RBL2: variants seen among roughly 807,000 people sequenced by gnomAD.
RBL2 encodes RB transcriptional corepressor like 2.
In RBL2, 56 loss-of-function variants were observed where a neutral mutation model predicts 126.0. The ratio of observed to expected loss-of-function variants is 0.44; its 90% CI spans 0.36 to 0.56. The LOEUF is 0.56. RBL2 is among the 20% of genes least tolerant of loss of function. The pLI is 0.00. For missense variants in RBL2, 1,229 were observed against 1,398.2 expected (o/e 0.88, Z 1.93); for synonymous variants, 454 against 478.5 (o/e 0.95, Z 0.67).
intron 8 of RBL2, among the ~76,000 whole-genome samples, chr16:53,457,258 C>CTTTTTTTTTTTTTCT (rs2058177642): frequency 1.1e-5 from 1 of 89,954 alleles, no homozygotes; most frequent in Non-Finnish European, 2.0e-5. Context: ...GTACAGATAG[C>CTTTTTTTTTTTTTCT]TTTTTTTTTT....
At chr16:53,480,041 CT>C in intron 19 of RBL2, 50 bp downstream of exon 19, 1 of 1,247,268 alleles carries the variant, frequency 8.0e-7, no homozygotes, top group Non-Finnish European at 1.1e-6. Flanking sequence ...GCTTTTCTTA[CT>C]TTTTAGGCCT....
chr16:53,478,953 T>C (rs1960836835), intron 17 of RBL2: 3 of 574,242 alleles, frequency 5.2e-6, no homozygotes, highest in South Asian at 4.4e-5. Flanking sequence ...TATAGACTCC[T>C]ATTGTTTTTA....
rs752404326 is a variant in RBL2, at chr16:53,442,729, G to T, written c.443G>T (p.Arg148Leu). 2.5e-6 allele frequency: 4 copies of T among 1,613,642 alleles called. No homozygotes were observed. Among genetic ancestry groups the T allele is most frequent in the Non-Finnish European group, 3.4e-6 (4 of 1,179,636 alleles). ...MANLPPHFRERTERLERNFTV... is the reference protein window; with the variant it reads ...MANLPPHFRELTERLERNFTV... ...AATCTACCCCCACATTTCAGAGAAC[G>T]TACTGAGAGATTAGAAAGAAACTTC... is the stretch of plus-strand genomic sequence containing the variant. The change falls in exon 3 of 22, where the codon CGT (arginine) becomes CTT (leucine). Residue 148 changes from arginine to leucine, a missense_variant. Coordinates refer to ENST00000262133, the MANE Select transcript of RBL2 (RefSeq NM_005611.4).
rs1002805862 is a variant in RBL2, at chr16:53,434,721, C to T, written c.165C>T (p.Arg55=). ...IQQRFDELCS[R]LNMDEAARAE... is the part of the protein sequence containing the mutation. Reference sequence around the variant, plus strand: ...AGCGGTTCGACGAGCTGTGCAGCCGCCTCAACATGGACGAGGCGGCGCGGG... The same window carrying T: ...AGCGGTTCGACGAGCTGTGCAGCCGTCTCAACATGGACGAGGCGGCGCGGG... The change falls in exon 1 of 22, where the codon CGC becomes CGT. Residue 55 remains arginine, a synonymous_variant. Transcript: ENST00000262133. 5.8e-6 allele frequency: 9 copies of T among 1,558,464 alleles called. No individual in the cohort carries two copies. Among genetic ancestry groups the T allele is most frequent in the Admixed American group, 1.9e-5 (1 of 52,962 alleles).
chr16:53,481,806 T>C lies in RBL2; in HGVS notation c.3220T>C (p.Phe1074Leu), dbSNP rs752346519. Residue 1074 changes from phenylalanine to leucine, a missense_variant, in exon 21 of 22, where the codon TTC (phenylalanine) becomes CTC (leucine). Transcript: ENST00000262133. The part of the protein sequence containing the change: ...ETMLSPREKI[F>L]YYFSNSPSKR... ...AATGCTTTCTCCTCGAGAAAAGATT[T>C]TCTATTACTTCAGCAACAGTCCTTC... 6.3e-7 allele frequency: 1 copy of C among 1,589,814 alleles called. No individual in the cohort carries two copies. Among genetic ancestry groups the C allele is most frequent in the Non-Finnish European group, 8.6e-7 (1 of 1,157,992 alleles).
rs774477510 is a variant in RBL2, at chr16:53,461,938, G to T, written c.1456+88G>T. Reference sequence around the variant, plus strand: ...TACTAACTAAGAAAGATGAGGAAAAGATTTATGACTTTAGACTGAAGGCTA... The same window carrying T: ...TACTAACTAAGAAAGATGAGGAAAATATTTATGACTTTAGACTGAAGGCTA... On this transcript the variant is annotated intron_variant, in intron 10 of 21. Coordinates refer to ENST00000262133, the MANE Select transcript of RBL2 (RefSeq NM_005611.4). 4.8e-4 allele frequency: 575 copies of T among 1,207,822 alleles called. 1 individual carries two copies. The highest frequency in any genetic ancestry group is 5.9e-4 in the Non-Finnish European group (490 of 832,174). 74.8% of individuals were successfully genotyped at this position (1,207,822 alleles called of 1,614,324 possible). A position where few individuals can be genotyped will look rare whatever the true frequency, so the allele number is the denominator to read the frequency against.
At chr16:53,438,948 C>T in intron 1 of RBL2, 68 bp from the exon 2 acceptor site, 1 of 985,602 alleles carries the variant, frequency 1.0e-6, no homozygotes, top group Non-Finnish European at 1.3e-6. Context: ...TTTAAACATA[C>T]TTTTAAAAAT....
At chr16:53,464,030 C>G (rs949811336) in intron 11 of RBL2, among the ~76,000 whole-genome samples, 196 bp from the exon 12 acceptor site, 2 of 151,980 alleles carry the variant, frequency 1.3e-5, no homozygotes, top group Non-Finnish European at 2.9e-5. Context: ...CTCATACATT[C>G]CTTTTATATA....
At chr16:53,444,616 G>A (rs2058045316) in intron 3 of RBL2, among the ~76,000 whole-genome samples, 1 of 151,394 alleles carries the variant, frequency 6.6e-6, no homozygotes, top group East Asian at 2.0e-4. Flanking sequence ...GGGAGGCCGA[G>A]GCAGGTGGAT....
At chr16:53,456,748 G>C (rs567474995) in intron 8 of RBL2, among the ~76,000 whole-genome samples, 1 of 152,162 alleles carries the variant, frequency 6.6e-6, no homozygotes, top group Non-Finnish European at 1.5e-5. Context: ...TGCCTAAACT[G>C]TATTGCTTCA....
chr16:53,489,837 T>C (rs746358698), intron 21 of RBL2: 1 of 237,920 alleles, frequency 4.2e-6, no homozygotes, highest in Non-Finnish European at 8.0e-6. Flanking sequence ...GTAAAAAAAA[T>C]CACAAATTTG....
chr16:53,482,319 T>C (rs969701872), intron 21 of RBL2, among the ~76,000 whole-genome samples: 2 of 152,274 alleles, frequency 1.3e-5, no homozygotes, highest in East Asian at 1.9e-4. Flanking sequence ...GGAAGGAAGC[T>C]TGAGTCAGGC....
At chr16:53,477,787 T>A (rs1960789294) in intron 17 of RBL2, among the ~76,000 whole-genome samples, 1 of 151,684 alleles carries the variant, frequency 6.6e-6, no homozygotes, top group Non-Finnish European at 1.5e-5. Flanking sequence ...TATGGGTACA[T>A]TATATATATA....
intron 21 of RBL2, among the ~76,000 whole-genome samples, chr16:53,482,902 G>A (rs984891038): frequency 2.6e-5 from 4 of 152,108 alleles, no homozygotes; most frequent in African/African-American, 7.2e-5. Flanking sequence ...AAGAGGACGG[G>A]GAAGGTATCA....
rs541105813 is a variant in RBL2 at position 53,486,746 on chromosome 16, C to G, written c.3250-3384C>G. On this transcript the variant is annotated intron_variant, in intron 21 of 21. Transcript: ENST00000262133. ...AATGTCCACTCTCACTACCCCTGTTCAACATTGTAACTGGGAGTCCTAGCA... is the reference window on the plus strand; with the variant it reads ...AATGTCCACTCTCACTACCCCTGTTGAACATTGTAACTGGGAGTCCTAGCA... Among the ~76,000 whole-genome samples the G allele has an allele frequency of 2.0e-5, 3 of 152,266 alleles. No homozygotes were observed. In the South Asian group the frequency reaches 6.2e-4, roughly 32 times the overall value.
In RBL2 at chr16:53,465,447, G is replaced by A. The variant is rs777092117; in HGVS notation, c.1708G>A (p.Val570Ile). Reference protein sequence around the residue: ...PLYHFYKVIEVFIRAEDGLCR... With the variant: ...PLYHFYKVIEIFIRAEDGLCR... ...ACATTTTTTATTTCAGGTGATAGAA[G>A]TATTCATTAGAGCAGAAGATGGCCT... Residue 570 changes from valine (V) to isoleucine (I), a missense_variant, in exon 13 of 22, where the codon GTA (valine) becomes ATA (isoleucine). Around this residue, in one of 2 missense-constraint regions of RBL2, gnomAD observed 1,070 missense variants for 1,274.3 expected, o/e 0.84. Transcript: ENST00000262133. The A allele has an allele frequency of 4.8e-6, 7 of 1,462,452 alleles. No homozygotes were observed. The highest frequency in any genetic ancestry group is 2.6e-5 in the East Asian group (1 of 39,150). 90.6% of individuals were successfully genotyped at this position (1,462,452 alleles called of 1,614,324 possible).
chr16:53,475,058 T>C (rs537478962), intron 17 of RBL2, among the ~76,000 whole-genome samples: 1 of 152,372 alleles, frequency 6.6e-6, no homozygotes, highest in Admixed American at 6.5e-5. Context: ...TCAGATCATC[T>C]GTTTCTTCTA....
In RBL2 at chr16:53,490,801, G is replaced by A. The variant is rs1961394548; in HGVS notation, c.*501G>A. 6.6e-6 allele frequency: 1 copy of A among 152,638 alleles called. No homozygotes were observed. Among genetic ancestry groups the A allele is most frequent in the Non-Finnish European group, 1.5e-5 (1 of 68,068 alleles). The allele number at this position is 152,638 out of a possible 1,614,324, so 9.5% of individuals were successfully genotyped here. A position where few individuals can be genotyped will look rare whatever the true frequency, so the allele number is the denominator to read the frequency against. ...AAAGGAGAGCACACCCAGGTTTGGA[G>A]GTCCTAGGTCATTAGCCCTCGTCTC... is the stretch of plus-strand genomic sequence containing the variant. On this transcript the variant is annotated 3_prime_UTR_variant, in exon 22 of 22. Transcript: ENST00000262133.
chr16:53,471,071 T>C (rs1470456837), intron 17 of RBL2, 149 bp downstream of exon 17: 3 of 732,612 alleles, frequency 4.1e-6, no homozygotes, highest in Non-Finnish European at 6.5e-6. Context: ...TTCACAGATA[T>C]GTGCAATACT....
Sources: gnomAD v4.1 joint callset for allele counts (sites outside exome capture counted in the v4.1 genomes callset) on GRCh38, gnomAD v4.1.1 for gene constraint, gnomAD v4.1.1 regional missense constraint, MANE v1.5 for transcripts, NCBI Gene and HGNC (gene_info 2026-07-23, HGNC 2026-07-21) for gene names.